Variants in HPS3 observed in about 807,000 individuals in gnomAD.
The protein encoded by HPS3 is HPS3 biogenesis of lysosomal organelles complex 2 subunit 1.
A neutral mutation model predicts 110.9 loss-of-function variants in HPS3; 79 were observed. The ratio of observed to expected loss-of-function variants is 0.71; its 90% confidence interval spans 0.59 to 0.86. The LOEUF (loss-of-function observed/expected upper bound fraction) is 0.86. Among genes scored for constraint, HPS3 ranks in the 40% least tolerant of loss-of-function variants. The probability of loss-of-function intolerance (pLI) is 0.00; values close to 1 mark genes in which losing one functional copy is unlikely to be tolerated. For missense variants in HPS3, 1,197 were observed against 1,206.2 expected (o/e 0.99, Z 0.11); for synonymous variants, 428 against 451.0 (o/e 0.95, Z 0.65).
chr3:149,132,376 T>C (rs1262664272), intron 1 of HPS3, among the ~76,000 whole-genome samples: 2 of 152,214 alleles, frequency 1.3e-5, no homozygotes, highest in Non-Finnish European at 2.9e-5. Context: ...CTGAAAATCA[T>C]AGGGCCCTTT....
chr3:149,131,916 G>T (rs1052493323), intron 1 of HPS3, among the ~76,000 whole-genome samples: 1 of 152,154 alleles, frequency 6.6e-6, no homozygotes, highest in African/African-American at 2.4e-5. Context: ...CTTTGCTCTA[G>T]GTAGAAGATC....
rs77215476 is a variant in HPS3 at position 149,165,880 on chromosome 3, A to G, written c.2590-1154A>G. ...TTATCAACCTTATTTCATCTCTGCC[A>G]TCTGATTGTCAGGAAATTATTCACA... On this transcript the variant is annotated intron_variant, in intron 14 of 16. Transcript: ENST00000296051. 2.4e-3 allele frequency: 967 copies of G among 405,858 alleles called. 10 individuals are homozygous for G. The highest frequency in any genetic ancestry group is 0.018 in the African/African-American group (894 of 48,540). 25.1% of individuals were successfully genotyped at this position (405,858 alleles called of 1,614,324 possible).
chr3:149,136,435 G>C (rs1722103397), intron 1 of HPS3, among the ~76,000 whole-genome samples: 2 of 152,112 alleles, frequency 1.3e-5, no homozygotes, highest in African/African-American at 4.8e-5. Flanking sequence ...CTTTTAAAGG[G>C]TTATAGCCTC....
chr3:149,130,764 A>C (rs532319005), intron 1 of HPS3, among the ~76,000 whole-genome samples: 2 of 152,306 alleles, frequency 1.3e-5, no homozygotes, highest in East Asian at 3.9e-4. Context: ...ACTCCGTCCC[A>C]AAACAAACAA....
intron 14 of HPS3, among the ~76,000 whole-genome samples, chr3:149,166,682 G>A (rs887067747): frequency 3.9e-5 from 6 of 152,022 alleles, no homozygotes; most frequent in Admixed American, 3.9e-4. Context: ...GAATACTCTT[G>A]CGGTGAACAT....
chr3:149,140,057 T>C lies in HPS3; in HGVS notation c.271T>C (p.Tyr91His), dbSNP rs776721725. ...AAACAAAGCTACATTTCTACGTGCT[T>C]ATGTGAACTGGAGAAATAAAAGGAC... ...EKNKATFLRAYVNWRNKRTEN... is the reference protein window; with the variant it reads ...EKNKATFLRAHVNWRNKRTEN... Residue 91 changes from tyrosine to histidine, a missense_variant, in exon 2 of 17, where the codon TAT becomes CAT. By Grantham distance (83) the Tyr-to-His change is moderately conservative. Transcript: ENST00000296051. 3 of 1,612,960 alleles carry C rather than the reference T, an allele frequency of 1.9e-6. No individual in the cohort carries two copies. The highest frequency in any genetic ancestry group is 1.7e-5 in the Admixed American group (1 of 59,898).
intron 7 of HPS3, chr3:149,154,053 T>C: frequency 4.7e-6 from 1 of 213,218 alleles, no homozygotes; most frequent in Non-Finnish European, 9.5e-6. Context: ...AAGAAATTAA[T>C]AATGTATGTC....
At chr3:149,157,021 A>G (rs1194570133) in intron 8 of HPS3, among the ~76,000 whole-genome samples, 2 of 152,226 alleles carry the variant, frequency 1.3e-5, no homozygotes, top group African/African-American at 2.4e-5. Context: ...TCAAATATTA[A>G]CATGTTCACT....
Position 149,167,130 on chromosome 3 carries a change from C to T in HPS3, c.2686C>T (p.Leu896=), listed in dbSNP as rs964384154. 1.2e-6 allele frequency: 2 copies of T among 1,613,698 alleles called. No individual in the cohort carries two copies. Among genetic ancestry groups the T allele is most frequent in the Non-Finnish European group, 1.7e-6 (2 of 1,179,714 alleles). Residue 896 remains leucine (L), a synonymous_variant, in exon 15 of 17, where the codon CTG becomes TTG. Coordinates refer to ENST00000296051, the MANE Select transcript of HPS3 (RefSeq NM_032383.5). ...DTIAGLSVHV[L]CRTRLKEYEQ... ...TATTGCCGGCCTCAGTGTCCATGTT[C>T]TGTGTCGTACACGCTTGAAAGAGTA...
intron 8 of HPS3, 75 bp downstream of exon 8, chr3:149,155,290 TATC>T (rs1723379990): frequency 3.3e-6 from 3 of 908,612 alleles, no homozygotes; most frequent in South Asian, 2.7e-5. Flanking sequence ...TGATTCTAAT[TATC>T]ATACATTCAG....
intron 16 of HPS3, 83 bp from the exon 17 acceptor site, chr3:149,172,012 G>A (rs878859833): frequency 7.0e-7 from 1 of 1,423,184 alleles, no homozygotes; most frequent in East Asian, 2.4e-5. Flanking sequence ...GCCTGAACTG[G>A]CTTCTAATTG....
At chr3:149,140,916 A>G in intron 2 of HPS3, 101 bp from the exon 3 acceptor site, 3 of 1,076,350 alleles carry the variant, frequency 2.8e-6, no homozygotes, top group Non-Finnish European at 4.2e-6. Flanking sequence ...AAATGTGTGC[A>G]TATTATAAAT....
chr3:149,135,650 C>T (rs907272534), intron 1 of HPS3, among the ~76,000 whole-genome samples: 2 of 152,070 alleles, frequency 1.3e-5, no homozygotes, highest in Non-Finnish European at 2.9e-5. Flanking sequence ...TGGACTAATA[C>T]AGTGTGTAAA....
chr3:149,171,981 A>G, intron 16 of HPS3, 114 bp from the exon 17 acceptor site: 1 of 954,186 alleles, frequency 1.0e-6, no homozygotes, highest in Non-Finnish European at 1.6e-6. Flanking sequence ...CTGGGATTAC[A>G]GGCGTGAGCC....
chr3:149,138,489 G>A (rs969340750), intron 1 of HPS3, among the ~76,000 whole-genome samples: 1 of 152,110 alleles, frequency 6.6e-6, no homozygotes, highest in African/African-American at 2.4e-5. Flanking sequence ...CACTAAAATA[G>A]AAGAAAATAT....
At chr3:149,130,075 T>G (rs1721664976) in intron 1 of HPS3, 135 bp downstream of exon 1, 12 of 827,248 alleles carry the variant, frequency 1.5e-5, no homozygotes, top group Admixed American at 2.3e-5. Flanking sequence ...ATGGTCTCCC[T>G]GGGTCTGGCC....
chr3:149,145,105 G>A (rs536640561), intron 4 of HPS3, among the ~76,000 whole-genome samples: 6 of 152,094 alleles, frequency 3.9e-5, no homozygotes, highest in Admixed American at 1.3e-4. Context: ...GACTCTTTTT[G>A]TGATGTTAAC....
At chr3:149,162,604 T>A (rs769873099) in intron 12 of HPS3, 86 bp from the exon 13 acceptor site, 16 of 1,366,942 alleles carry the variant, frequency 1.2e-5, no homozygotes, top group Non-Finnish European at 1.6e-5. Flanking sequence ...GCGTGGCCCA[T>A]GTGATGCTGT....
At chr3:149,141,218 G>A (rs1248417258) in intron 3 of HPS3, 30 bp downstream of exon 3, 1 of 1,123,776 alleles carries the variant, frequency 8.9e-7, no homozygotes, top group Non-Finnish European at 1.3e-6. Flanking sequence ...TTTTTTACCA[G>A]CATTTTATGT....
Sources: allele counts gnomAD v4.1 joint callset (sites outside exome capture counted in the v4.1 genomes callset), GRCh38; gene constraint gnomAD v4.1.1; transcripts MANE v1.5; gene names NCBI Gene and HGNC (gene_info 2026-07-23, HGNC 2026-07-21).